The following SYT16 variants were observed in gnomAD, a reference collection of about 807,000 sequenced individuals.
SYT16 encodes the protein synaptotagmin-16.
A neutral mutation model predicts 61.4 loss-of-function variants in SYT16; 42 were observed. The ratio of observed to expected loss-of-function variants is 0.68; its 90% CI spans 0.53 to 0.89. The LOEUF (loss-of-function observed/expected upper bound fraction) is 0.89. SYT16 is among the 40% of genes least tolerant of loss of function. SYT16 has a pLI of 0.00. For synonymous variants in SYT16, 314 were observed against 302.3 expected (o/e 1.04, Z -0.40); for missense variants, 804 against 807.3 (o/e 1.00, Z 0.05).
At chr14:61,864,840 G>A in intron 1 of SYT16, 1 of 1,048,536 alleles carries the variant, frequency 9.5e-7, no homozygotes, top group South Asian at 1.4e-5. Context: ...GGTGGGCCTT[G>A]CTATCGCTGC....
At chr14:62,084,049 A>G (rs2056801352) in intron 6 of SYT16, 147 bp from the exon 7 acceptor site, 2 of 850,182 alleles carry the variant, frequency 2.4e-6, no homozygotes, top group African/African-American at 1.8e-5. Flanking sequence ...CCCTGGGCCC[A>G]TTGTAATTCA....
intron 1 of SYT16, among the ~76,000 whole-genome samples, chr14:61,866,971 A>G (rs1282987415): frequency 6.6e-6 from 1 of 151,054 alleles, no homozygotes; most frequent in Non-Finnish European, 1.5e-5. Flanking sequence ...TTTTTTTCAT[A>G]TGCACATGTA....
intron 1 of SYT16, among the ~76,000 whole-genome samples, chr14:61,945,886 AGG>A (rs2050414311): frequency 7.4e-6 from 1 of 134,740 alleles, no homozygotes; most frequent in African/African-American, 2.7e-5. Flanking sequence ...AAAAAAAAAA[AGG>A]ATGAGTTAAT....
rs71117856 is a variant in SYT16, at chr14:61,820,469, GTTTTTTTTTTTTTTTTT to G, written c.-325+7673_-325+7689del. On this transcript the variant is annotated intron_variant, in intron 1 of 7. Transcript: ENST00000683842. ...ATATGCTTCAGGGCACCTCTTCAGAGTTTTTTTTTTTTTTTTTTTTTTTTTTTTTTGAGACGTAGTCT... is the reference window on the plus strand; with the variant it reads ...ATATGCTTCAGGGCACCTCTTCAGAGTTTTTTTTTTTTTGAGACGTAGTCT... 9.8e-5 allele frequency among the ~76,000 whole-genome samples: 6 copies of G among 61,082 alleles called. No homozygotes were observed. The South Asian group carries it at 3.5e-3, about 36-fold the overall frequency. The allele number at this position is 61,082 out of a possible 152,430, so 40.1% of individuals were successfully genotyped here.
At chr14:61,837,310 C>T (rs944837466) in intron 1 of SYT16, among the ~76,000 whole-genome samples, 7 of 143,854 alleles carry the variant, frequency 4.9e-5, no homozygotes, top group Non-Finnish European at 3.0e-5. Flanking sequence ...GATCTTGGTT[C>T]ACTGCAACCT....
At chr14:62,052,561 A>G (rs555476319) in intron 3 of SYT16, among the ~76,000 whole-genome samples, 23 of 152,068 alleles carry the variant, frequency 1.5e-4, no homozygotes, top group Non-Finnish European at 3.2e-4. Flanking sequence ...GAATCCCTCT[A>G]ATGTATTATC....
At chr14:62,024,584 C>T (rs1214084036) in intron 3 of SYT16, among the ~76,000 whole-genome samples, 1 of 152,044 alleles carries the variant, frequency 6.6e-6, no homozygotes, top group African/African-American at 2.4e-5. Context: ...TCATTCTTCT[C>T]CACCAGAGTG....
chr14:61,921,325 A>T (rs1377072789), intron 1 of SYT16, among the ~76,000 whole-genome samples: 1 of 151,932 alleles, frequency 6.6e-6, no homozygotes, highest in Non-Finnish European at 1.5e-5. Context: ...ATCAGGTCTA[A>T]CTCCATTGTT....
At chr14:61,886,912 C>CT (rs2047930727) in intron 1 of SYT16, among the ~76,000 whole-genome samples, 4 of 101,884 alleles carry the variant, frequency 3.9e-5, no homozygotes, top group Non-Finnish European at 4.0e-5. Context: ...TTTTTTTTTT[C>CT]CTTTTTATGG....
At chr14:61,895,746 A>G (rs902307053) in intron 1 of SYT16, among the ~76,000 whole-genome samples, 2 of 152,054 alleles carry the variant, frequency 1.3e-5, no homozygotes, top group Non-Finnish European at 2.9e-5. Context: ...CATTACTACC[A>G]CTGTTACTCC....
At position 61,845,779 on chromosome 14, in the gene SYT16, T is replaced by G. The variant is rs545661243; in HGVS notation, c.-325+32969T>G. 2.0e-5 allele frequency among the ~76,000 whole-genome samples: 3 copies of G among 152,194 alleles called. No homozygotes were observed. In the South Asian group the frequency reaches 6.2e-4, roughly 31 times the overall value. ...CATTATTAGGTTGTTTATTTGAAAT[T>G]TTTCTTGTTTTTTGATGTAGGCACT... On this transcript the variant is annotated intron_variant, in intron 1 of 7. Coordinates refer to ENST00000683842, the MANE Select transcript of SYT16 (RefSeq NM_001367656.1).
intron 2 of SYT16, among the ~76,000 whole-genome samples, chr14:61,970,764 A>G (rs2051513265): frequency 2.0e-5 from 3 of 152,190 alleles, no homozygotes; most frequent in African/African-American, 7.2e-5. Flanking sequence ...GGGAAAAATA[A>G]CACACTTAAA....
At chr14:61,912,082 A>G (rs921521616) in intron 1 of SYT16, among the ~76,000 whole-genome samples, 1 of 152,170 alleles carries the variant, frequency 6.6e-6, no homozygotes, top group Non-Finnish European at 1.5e-5. Context: ...TGATTATGGG[A>G]GTGATGTGTC....
chr14:62,053,610 A>G (rs1483964077), intron 3 of SYT16, among the ~76,000 whole-genome samples: 1 of 152,236 alleles, frequency 6.6e-6, no homozygotes, highest in African/African-American at 2.4e-5. Flanking sequence ...TTCATTCACT[A>G]TTGAAGCATG....
chr14:61,868,917 A>G (rs1020177935), intron 1 of SYT16, among the ~76,000 whole-genome samples: 1 of 152,050 alleles, frequency 6.6e-6, no homozygotes, highest in Non-Finnish European at 1.5e-5. Context: ...TAGTCTGTAC[A>G]TTTATCCTTC....
At chr14:61,957,832 A>C (rs539180624) in intron 1 of SYT16, among the ~76,000 whole-genome samples, 1 of 151,904 alleles carries the variant, frequency 6.6e-6, no homozygotes, top group East Asian at 1.9e-4. Context: ...ATGAGTTTGG[A>C]AGTGTTCCCT....
chr14:62,038,078 G>A (rs769004416), intron 3 of SYT16, among the ~76,000 whole-genome samples: 32 of 151,966 alleles, frequency 2.1e-4, no homozygotes, highest in Non-Finnish European at 4.3e-4. Flanking sequence ...CTGCCTCCAG[G>A]CTTGGTTATA....
intron 1 of SYT16, among the ~76,000 whole-genome samples, chr14:61,957,990 T>G (rs2050951224): frequency 6.6e-6 from 1 of 151,962 alleles, no homozygotes; most frequent in African/African-American, 2.4e-5. Flanking sequence ...ATTGGTTTGT[T>G]CAGGCTTTCT....
At chr14:62,096,557 T>C (rs999265845) in intron 7 of SYT16, among the ~76,000 whole-genome samples, 8 of 152,032 alleles carry the variant, frequency 5.3e-5, no homozygotes, top group African/African-American at 1.7e-4. Context: ...ATAGAGATAA[T>C]ATAAAAAATT....
Sources: allele counts gnomAD v4.1 joint callset (sites outside exome capture counted in the v4.1 genomes callset), GRCh38; gene constraint gnomAD v4.1.1; transcripts MANE v1.5; gene names NCBI Gene and HGNC (gene_info 2026-07-23, HGNC 2026-07-21).